LRRC28: variants seen among roughly 807,000 people sequenced by gnomAD.
LRRC28 encodes the protein leucine-rich repeat-containing protein 28.
LRRC28 carries 39 observed loss-of-function variants against 45.7 expected under a neutral mutation model. The ratio of observed to expected loss-of-function variants is 0.85; its 90% CI spans 0.66 to 1.12. LRRC28 has a LOEUF of 1.12. Among genes scored for constraint, LRRC28 ranks in the 50% most tolerant of loss-of-function variants. The probability of loss-of-function intolerance (pLI) is 0.00; values close to 1 mark genes in which losing one functional copy is unlikely to be tolerated. For missense variants in LRRC28, 435 were observed against 438.5 expected, an observed-to-expected ratio of 0.99 and a Z score of 0.07; for synonymous variants, 206 against 178.8, an observed-to-expected ratio of 1.15 and a Z score of -1.22.
intron 9 of LRRC28, among the ~76,000 whole-genome samples, chr15:99,376,219 T>C (rs916126124): frequency 2.6e-5 from 4 of 152,166 alleles, no homozygotes; most frequent in African/African-American, 7.2e-5. Flanking sequence ...TTTTGACCTA[T>C]GGAAGTGTGG....
chr15:99,320,106 C>G (rs1032316914), intron 5 of LRRC28, among the ~76,000 whole-genome samples: 1 of 151,930 alleles, frequency 6.6e-6, no homozygotes, highest in African/African-American at 2.4e-5. Flanking sequence ...CGTGCCCAGC[C>G]GGGAGCATTT....
rs189911929 is a variant in LRRC28, at chr15:99,322,259, G to A, written c.386-11664G>A. On this transcript the variant is annotated intron_variant, in intron 5 of 9. Transcript: ENST00000301981. ...GCAGCAGAAAGCCAGGGCAGAGTCT[G>A]GGGGCAGGAAAGGACCATGATCTGA... Among the ~76,000 whole-genome samples, 4 of 152,250 alleles carry A rather than the reference G, an allele frequency of 2.6e-5. No individual in the cohort carries two copies. The East Asian group carries it at 7.7e-4, about 29-fold the overall frequency.
intron 5 of LRRC28, among the ~76,000 whole-genome samples, chr15:99,321,857 G>A (rs2152278405): frequency 6.6e-6 from 1 of 152,262 alleles, no homozygotes; most frequent in East Asian, 1.9e-4. Context: ...TCTAGTGGGA[G>A]GTACACACTG....
chr15:99,267,161 G>A (rs752085208), intron 2 of LRRC28, among the ~76,000 whole-genome samples: 8 of 152,142 alleles, frequency 5.3e-5, no homozygotes, highest in Admixed American at 6.5e-5. Flanking sequence ...TTGATTTACA[G>A]CGATGCATAT....
intron 2 of LRRC28, among the ~76,000 whole-genome samples, chr15:99,272,532 C>T (rs771350455): frequency 2.2e-4 from 34 of 152,158 alleles, no homozygotes; most frequent in African/African-American, 1.2e-4. Flanking sequence ...AAATATTTGA[C>T]GTATTTGTTC....
intron 5 of LRRC28, among the ~76,000 whole-genome samples, chr15:99,328,336 A>G (rs1956052494): frequency 1.3e-5 from 2 of 152,232 alleles, no homozygotes; most frequent in Admixed American, 1.3e-4. Context: ...AAAAGTCACA[A>G]TTGTGAAAGA....
intron 2 of LRRC28, among the ~76,000 whole-genome samples, chr15:99,271,785 G>A (rs1452614906): frequency 6.6e-6 from 1 of 152,140 alleles, no homozygotes; most frequent in Non-Finnish European, 1.5e-5. Flanking sequence ...TTTTAGTAGA[G>A]ATGAGGTTTG....
intron 6 of LRRC28, among the ~76,000 whole-genome samples, chr15:99,335,684 C>G (rs1956299113): frequency 6.6e-6 from 1 of 151,746 alleles, no homozygotes; most frequent in Middle Eastern, 3.4e-3. Context: ...TTTTTTTTTA[C>G]CCCCCTCACA....
chr15:99,279,127 G>A (rs1567619206), intron 3 of LRRC28, among the ~76,000 whole-genome samples: 1 of 152,194 alleles, frequency 6.6e-6, no homozygotes, highest in Non-Finnish European at 1.5e-5. Flanking sequence ...TTTTCTGGAT[G>A]TTTTATATTA....
chr15:99,367,013 T>C (rs1567701969), intron 9 of LRRC28, among the ~76,000 whole-genome samples: 1 of 152,232 alleles, frequency 6.6e-6, no homozygotes. Flanking sequence ...AGTTCTCCAG[T>C]AGACACTAGC....
chr15:99,355,603 A>G (rs1178692825), intron 7 of LRRC28: 4 of 152,212 alleles, frequency 2.6e-5, no homozygotes, highest in Non-Finnish European at 5.9e-5. Flanking sequence ...AATCTTCTAC[A>G]TTGTAGCCAG....
At chr15:99,313,842 T>C (rs1955500948) in intron 5 of LRRC28, among the ~76,000 whole-genome samples, 1 of 152,140 alleles carries the variant, frequency 6.6e-6, no homozygotes, top group South Asian at 2.1e-4. Context: ...CTCTCTCTGG[T>C]AGCCAAGCTT....
At chr15:99,271,785 GA>G (rs1487521703) in intron 2 of LRRC28, among the ~76,000 whole-genome samples, 6 of 152,140 alleles carry the variant, frequency 3.9e-5, no homozygotes, top group Non-Finnish European at 8.8e-5. Context: ...TTTTAGTAGA[GA>G]TGAGGTTTGA....
intron 9 of LRRC28, among the ~76,000 whole-genome samples, chr15:99,369,457 C>T (rs770946629): frequency 4.6e-5 from 7 of 152,092 alleles, no homozygotes; most frequent in African/African-American, 1.7e-4. Flanking sequence ...GGCAGACTGG[C>T]GGCCTGGACG....
chr15:99,322,563 C>T (rs1221257611), intron 5 of LRRC28, among the ~76,000 whole-genome samples: 1 of 151,898 alleles, frequency 6.6e-6, no homozygotes, highest in Admixed American at 6.6e-5. Flanking sequence ...TTACCCAGTT[C>T]ATAAAATATC....
intron 2 of LRRC28, chr15:99,259,299 G>A: frequency 4.4e-6 from 5 of 1,147,436 alleles, no homozygotes; most frequent in South Asian, 1.2e-5. Context: ...CTGAAAAGGG[G>A]CTATGAAGTT....
chr15:99,386,496 C>T lies in LRRC28; in HGVS notation c.*394C>T, dbSNP rs192830095. On this transcript the variant is annotated 3_prime_UTR_variant, in exon 10 of 10. Transcript: ENST00000301981. ...CTCTCCTCTCCCCTCCCTTGCTTTC[C>T]CCAGAGAGTTATTTCCCTGAGACCA... The T allele has an allele frequency of 2.3e-3, 371 of 161,446 alleles. No individual in the cohort carries two copies. Among genetic ancestry groups the T allele is most frequent in the African/African-American group, 7.9e-3 (332 of 41,814 alleles). The allele number at this position is 161,446 out of a possible 1,614,324, so 10.0% of individuals were successfully genotyped here.
intron 5 of LRRC28, among the ~76,000 whole-genome samples, chr15:99,289,662 G>C (rs8029886): frequency 0.41 from 62,379 of 151,832 alleles, 13,072 homozygotes; most frequent in Middle Eastern, 0.6. Context: ...GGCCGGGCGC[G>C]GTGGCTCACG....
intron 3 of LRRC28, among the ~76,000 whole-genome samples, chr15:99,279,288 T>C (rs1265891369): frequency 4.6e-5 from 7 of 152,388 alleles, no homozygotes; most frequent in African/African-American, 1.7e-4. Context: ...ACTTTTTGTT[T>C]ATCTGTTCAT....
Sources: gnomAD v4.1 joint callset for allele counts (sites outside exome capture counted in the v4.1 genomes callset) on GRCh38, gnomAD v4.1.1 for gene constraint, MANE v1.5 for transcripts, NCBI Gene and HGNC (gene_info 2026-07-23, HGNC 2026-07-21) for gene names.